The following CNGB3 variants were observed in gnomAD, a reference collection of about 807,000 sequenced individuals.
The protein encoded by CNGB3 is cyclic nucleotide gated channel subunit beta 3, also known as cyclic nucleotide-gated channel beta-3.
Under a neutral mutation model 92.8 loss-of-function variants are expected in CNGB3, and 86 were observed. The ratio of observed to expected loss-of-function variants is 0.93; its 90% CI spans 0.78 to 1.11. The LOEUF is 1.11. Among genes scored for constraint, CNGB3 ranks in the 50% least tolerant of loss-of-function variants. The pLI is 0.00. For synonymous variants in CNGB3, 333 were observed against 332.7 expected, an observed-to-expected ratio of 1.00 and a Z score of -0.01; for missense variants, 1,026 against 956.8, an observed-to-expected ratio of 1.07 and a Z score of -0.95.
chr8:86,734,878 A>G (rs1825218006), intron 2 of CNGB3, among the ~76,000 whole-genome samples: 1 of 151,976 alleles, frequency 6.6e-6, no homozygotes, highest in Middle Eastern at 3.2e-3. Context: ...ACATATATTA[A>G]CTAATTTAAT....
chr8:86,708,530 TCTTTA>T (rs1824689950), intron 3 of CNGB3, among the ~76,000 whole-genome samples: 1 of 151,670 alleles, frequency 6.6e-6, no homozygotes, highest in African/African-American at 2.4e-5. Flanking sequence ...AAGCTTTTTT[TCTTTA>T]CTTTCTTTCT....
chr8:86,662,208 G>A (rs1425629225), intron 6 of CNGB3, among the ~76,000 whole-genome samples: 2 of 152,200 alleles, frequency 1.3e-5, no homozygotes, highest in African/African-American at 4.8e-5. Context: ...ATTTTACACA[G>A]GACAGATGGA....
intron 3 of CNGB3, among the ~76,000 whole-genome samples, chr8:86,706,545 AGTAAAACCTTTCTCCAATTAGATTT>A (rs1824655628): frequency 6.6e-6 from 1 of 152,206 alleles, no homozygotes; most frequent in Non-Finnish European, 1.5e-5. Context: ...TCCTGGGGGA[AGTAAAACCTTTCTCCAATTAGATTT>A]GCCCTGAATA....
rs1198797236 is a variant in CNGB3 at position 86,611,490 on chromosome 8, A to C, written c.1662+98T>G. On this transcript the variant is annotated intron_variant, in intron 14 of 17. Transcript: ENST00000320005. ...TAATTATTTCTATACTATGGAATTCACCCTGAACAAATTTTGTTTAAACAA... is the reference window on the plus strand; with the variant it reads ...TAATTATTTCTATACTATGGAATTCCCCCTGAACAAATTTTGTTTAAACAA... 3 of 888,700 alleles carry C rather than the reference A, an allele frequency of 3.4e-6. No individual in the cohort carries two copies. In the African/African-American group the frequency reaches 4.9e-5, roughly 15 times the overall value. 55.1% of individuals were successfully genotyped at this position (888,700 alleles called of 1,614,324 possible).
At chr8:86,618,447 T>C (rs1822658610) in intron 13 of CNGB3, among the ~76,000 whole-genome samples, 2 of 152,238 alleles carry the variant, frequency 1.3e-5, no homozygotes, top group Admixed American at 1.3e-4. Context: ...TGCCAGGTAC[T>C]GATATAAGTG....
chr8:86,698,798 G>T (rs544496899), intron 3 of CNGB3, among the ~76,000 whole-genome samples: 4 of 152,244 alleles, frequency 2.6e-5, no homozygotes, highest in African/African-American at 9.6e-5. Context: ...AGCACTAAAA[G>T]GATGAAGTCA....
At chr8:86,647,664 A>T in intron 8 of CNGB3, 137 bp downstream of exon 8, 2 of 615,914 alleles carry the variant, frequency 3.2e-6, no homozygotes, top group South Asian at 3.9e-5. Context: ...TGAGGGCAGA[A>T]AGATGGAGAA....
chr8:86,650,856 C>T (rs763997654), intron 7 of CNGB3, among the ~76,000 whole-genome samples: 30 of 151,038 alleles, frequency 2.0e-4, no homozygotes, highest in Admixed American at 4.6e-4. Flanking sequence ...AAAAGACACA[C>T]GCACATATAG....
At chr8:86,661,459 C>G in intron 6 of CNGB3, 1 of 569,474 alleles carries the variant, frequency 1.8e-6, no homozygotes, top group Non-Finnish European at 3.4e-6. Context: ...GATCTGCATA[C>G]GTCCCTGAGC....
intron 7 of CNGB3, among the ~76,000 whole-genome samples, chr8:86,649,109 C>G (rs1823348776): frequency 6.6e-6 from 1 of 151,492 alleles, no homozygotes; most frequent in South Asian, 2.1e-4. Flanking sequence ...ATATACTTAA[C>G]CAATGAGGTT....
chr8:86,667,340 G>A (rs956349670), intron 5 of CNGB3, among the ~76,000 whole-genome samples: 3 of 152,350 alleles, frequency 2.0e-5, no homozygotes, highest in Non-Finnish European at 2.9e-5. Context: ...CACCTCTTCC[G>A]AAAGTGGAGA....
chr8:86,724,116 T>C (rs1384024213), intron 3 of CNGB3, among the ~76,000 whole-genome samples: 1 of 152,074 alleles, frequency 6.6e-6, no homozygotes, highest in Non-Finnish European at 1.5e-5. Flanking sequence ...AATATGTACA[T>C]CAAACCCTTG....
chr8:86,702,360 A>G (rs1824572569), intron 3 of CNGB3, among the ~76,000 whole-genome samples: 1 of 152,206 alleles, frequency 6.6e-6, no homozygotes, highest in African/African-American at 2.4e-5. Flanking sequence ...AGATGAATAC[A>G]CATTTTATAT....
intron 2 of CNGB3, among the ~76,000 whole-genome samples, chr8:86,734,012 C>T (rs530790153): frequency 1.2e-4 from 18 of 151,952 alleles, no homozygotes; most frequent in Non-Finnish European, 2.4e-4. Flanking sequence ...GAACTACAGG[C>T]GGGTGCTACT....
rs530976983 is a variant in CNGB3 at position 86,633,623 on chromosome 8, A to G, written c.1179-730T>C. Among the ~76,000 whole-genome samples, 15 of 152,324 alleles carry G rather than the reference A, an allele frequency of 9.8e-5. No homozygotes were observed. The South Asian group carries it at 2.9e-3, about 29-fold the overall frequency. The stretch of plus-strand genomic sequence containing the variant: ...AGTTGTCACATTGTATTTGTCAGTC[A>G]AGTCACTAAGGCCAACCCAGGTTCA... On this transcript the variant is annotated intron_variant, in intron 10 of 17. Transcript: ENST00000320005.
chr8:86,661,037 G>T (rs943420957), intron 6 of CNGB3: 3 of 232,502 alleles, frequency 1.3e-5, no homozygotes, highest in South Asian at 1.1e-4. Context: ...ACTTTCCTGG[G>T]TTTTTTTGTG....
intron 15 of CNGB3, among the ~76,000 whole-genome samples, chr8:86,598,461 A>C (rs1822220148): frequency 6.6e-6 from 1 of 152,214 alleles, no homozygotes; most frequent in Non-Finnish European, 1.5e-5. Context: ...GAAAGTGAAC[A>C]ATTTAAATAA....
chr8:86,594,247 C>A (rs1822120923), intron 15 of CNGB3: 1 of 261,478 alleles, frequency 3.8e-6, no homozygotes, highest in South Asian at 4.1e-5. Context: ...TGGAACCAGT[C>A]CTTGCCTGGG....
intron 14 of CNGB3, among the ~76,000 whole-genome samples, chr8:86,610,227 G>GAA (rs1265138314): frequency 6.6e-6 from 1 of 152,288 alleles, no homozygotes; most frequent in East Asian, 1.9e-4. Flanking sequence ...CACAGCACTA[G>GAA]AAAGGTAGGC....
Sources: allele counts gnomAD v4.1 joint callset (sites outside exome capture counted in the v4.1 genomes callset), GRCh38; gene constraint gnomAD v4.1.1; transcripts MANE v1.5; gene names NCBI Gene and HGNC (gene_info 2026-07-23, HGNC 2026-07-21).